NEK11: variants seen among roughly 807,000 people sequenced by gnomAD.
The protein encoded by NEK11 is serine/threonine-protein kinase Nek11.
NEK11 carries 72 observed loss-of-function variants against 80.7 expected under a neutral mutation model. That is an observed-to-expected ratio of 0.89 (90% CI 0.74 to 1.08). The LOEUF (loss-of-function observed/expected upper bound fraction) is 1.08, where lower values mean the gene tolerates loss of function less well. Among genes scored for constraint, NEK11 ranks in the 50% least tolerant of loss-of-function variants. NEK11 has a pLI of 0.00. For missense variants in NEK11, 764 were observed against 763.6 expected (o/e 1.00, Z -0.01); for synonymous variants, 251 against 260.7 (o/e 0.96, Z 0.36).
chr3:131,336,074 C>T (rs547877045), intron 17 of NEK11, among the ~76,000 whole-genome samples: 35 of 152,336 alleles, frequency 2.3e-4, no homozygotes, highest in African/African-American at 7.5e-4. Context: ...ATGCCATCCC[C>T]ATCAAGCTAC....
intron 7 of NEK11, among the ~76,000 whole-genome samples, chr3:131,139,752 A>C (rs2086460823): frequency 1.3e-5 from 2 of 152,192 alleles, no homozygotes; most frequent in Non-Finnish European, 2.9e-5. Flanking sequence ...TCTTATCACC[A>C]CACTTCATTG....
At chr3:131,106,499 A>G (rs1333605351) in intron 4 of NEK11, among the ~76,000 whole-genome samples, 1 of 152,132 alleles carries the variant, frequency 6.6e-6, no homozygotes, top group Non-Finnish European at 1.5e-5. Context: ...AGATAACATG[A>G]ACTTATTTTA....
intron 16 of NEK11, among the ~76,000 whole-genome samples, chr3:131,243,808 C>A (rs375279034): frequency 6.6e-6 from 1 of 152,034 alleles, no homozygotes. Context: ...AACCTCCCTA[C>A]CTAACTTGTC....
intron 3 of NEK11, among the ~76,000 whole-genome samples, chr3:131,052,936 G>A (rs1247799688): frequency 1.3e-5 from 2 of 152,096 alleles, no homozygotes; most frequent in Admixed American, 1.3e-4. Flanking sequence ...ATTTGCTGGG[G>A]TAAATTGTAA....
intron 7 of NEK11, among the ~76,000 whole-genome samples, chr3:131,152,076 T>C (rs1560656991): frequency 6.6e-6 from 1 of 152,208 alleles, no homozygotes. Flanking sequence ...AAAAAATCCT[T>C]ACATTAATCA....
intron 7 of NEK11, among the ~76,000 whole-genome samples, chr3:131,145,659 G>A (rs979814522): frequency 6.6e-6 from 1 of 152,050 alleles, no homozygotes; most frequent in Non-Finnish European, 1.5e-5. Flanking sequence ...AGAGACTTTC[G>A]TGATCCAAAA....
At chr3:131,336,941 C>T (rs1392520058) in intron 17 of NEK11, among the ~76,000 whole-genome samples, 3 of 151,960 alleles carry the variant, frequency 2.0e-5, no homozygotes, top group Non-Finnish European at 4.4e-5. Context: ...GTTAGAATGG[C>T]AATCATTAAA....
chr3:131,350,386 T>C lies in NEK11; in HGVS notation c.*610T>C, dbSNP rs1402445445. ...CTATGATTTATTTCAAACTCATCCA[T>C]AGATAATTCAAGATTTGTATTCAAA... On this transcript the variant is annotated 3_prime_UTR_variant, in exon 18 of 18. Transcript: ENST00000383366. 1 of 152,244 alleles carries C rather than the reference T, an allele frequency of 6.6e-6. No homozygotes were observed. Among genetic ancestry groups the C allele is most frequent in the Non-Finnish European group, 1.5e-5 (1 of 68,046 alleles). 9.4% of individuals were successfully genotyped at this position (152,244 alleles called of 1,614,324 possible).
At chr3:131,242,894 T>A (rs755994301) in intron 15 of NEK11, among the ~76,000 whole-genome samples, 20 of 152,110 alleles carry the variant, frequency 1.3e-4, no homozygotes, top group Non-Finnish European at 2.9e-4. Context: ...CCAACCGTTA[T>A]GGGGGAAGTC....
intron 14 of NEK11, among the ~76,000 whole-genome samples, chr3:131,186,383 G>T (rs1384573021): frequency 6.6e-6 from 1 of 152,034 alleles, no homozygotes; most frequent in African/African-American, 2.4e-5. Flanking sequence ...TATCATCTTT[G>T]TCAGGTCTGT....
At chr3:131,040,949 A>T (rs1260899068) in intron 3 of NEK11, among the ~76,000 whole-genome samples, 5 of 152,256 alleles carry the variant, frequency 3.3e-5, no homozygotes, top group Non-Finnish European at 5.9e-5. Flanking sequence ...CTAATCACTT[A>T]GCTATGGCTG....
At chr3:131,265,028 T>C (rs1416841658) in intron 16 of NEK11, among the ~76,000 whole-genome samples, 1 of 152,176 alleles carries the variant, frequency 6.6e-6, no homozygotes, top group African/African-American at 2.4e-5. Flanking sequence ...CTGTTATTGG[T>C]ATATAGGAAT....
chr3:131,135,312 G>T (rs991387761), intron 7 of NEK11, among the ~76,000 whole-genome samples: 1 of 151,882 alleles, frequency 6.6e-6, no homozygotes, highest in Non-Finnish European at 1.5e-5. Flanking sequence ...GCTTACTTCT[G>T]CCCTGGAGGT....
intron 16 of NEK11, among the ~76,000 whole-genome samples, chr3:131,253,168 G>C (rs980163829): frequency 1.3e-5 from 2 of 152,124 alleles, no homozygotes; most frequent in East Asian, 3.9e-4. Context: ...TATGGTCCTT[G>C]TCATGAGGTG....
chr3:131,311,003 C>T (rs1397914045), intron 17 of NEK11, among the ~76,000 whole-genome samples: 1 of 152,202 alleles, frequency 6.6e-6, no homozygotes, highest in African/African-American at 2.4e-5. Context: ...TTTCCCCTCT[C>T]ATAACTCCCC....
At chr3:131,273,229 T>C (rs1282124534) in intron 16 of NEK11, among the ~76,000 whole-genome samples, 1 of 152,244 alleles carries the variant, frequency 6.6e-6, no homozygotes, top group African/African-American at 2.4e-5. Context: ...AATGGTGTTT[T>C]GTTTAAACAA....
rs532899708 is a variant in NEK11, at chr3:131,263,484, T to C, written c.1622-9994T>C. On this transcript the variant is annotated intron_variant, in intron 16 of 17. Transcript: ENST00000383366. ...GGTTACCGTAGCCTTGTAGTATAGT[T>C]TGAAGTCAGGTAGTGTGATGCCTCC... Among the ~76,000 whole-genome samples the C allele has an allele frequency of 1.9e-4, 29 of 152,310 alleles. No homozygotes were observed. The South Asian group carries it at 5.8e-3, about 30-fold the overall frequency.
chr3:131,104,310 T>C (rs2078842597), intron 4 of NEK11, among the ~76,000 whole-genome samples: 1 of 152,134 alleles, frequency 6.6e-6, no homozygotes, highest in Admixed American at 6.5e-5. Flanking sequence ...GTGGCACAGC[T>C]GCTCTGGGGG....
chr3:131,198,827 C>A (rs1034215801), intron 14 of NEK11, among the ~76,000 whole-genome samples: 1 of 152,220 alleles, frequency 6.6e-6, no homozygotes, highest in Non-Finnish European at 1.5e-5. Context: ...GTCCATCTTA[C>A]TAAATGGGTA....
Sources: gnomAD v4.1 joint callset for allele counts (sites outside exome capture counted in the v4.1 genomes callset) on GRCh38, gnomAD v4.1.1 for gene constraint, MANE v1.5 for transcripts, NCBI Gene and HGNC (gene_info 2026-07-23, HGNC 2026-07-21) for gene names.